The following RAPGEF4 variants were observed in gnomAD, a reference collection of about 807,000 sequenced individuals.
RAPGEF4 encodes the protein RAP guanine-nucleotide-exchange factor (GEF) 4.
A neutral mutation model predicts 147.9 loss-of-function variants in RAPGEF4; 66 were observed. The observed-to-expected ratio is 0.45, with a 90% CI of 0.37 to 0.55. The LOEUF (loss-of-function observed/expected upper bound fraction) is 0.55. Among genes scored for constraint, RAPGEF4 ranks in the 20% least tolerant of loss-of-function variants. RAPGEF4 has a pLI of 0.00. For missense variants in RAPGEF4, 1,071 were observed against 1,257.3 expected, an observed-to-expected ratio of 0.85 and a Z score of 2.24; for synonymous variants, 419 against 442.7, an observed-to-expected ratio of 0.95 and a Z score of 0.67.
chr2:172,925,567 A>G (rs1188138617), intron 6 of RAPGEF4, among the ~76,000 whole-genome samples: 1 of 130,914 alleles, frequency 7.6e-6, no homozygotes, highest in African/African-American at 2.8e-5. Flanking sequence ...CAGCCAGGAC[A>G]CATAGTGAGA....
chr2:172,753,250 C>T (rs1042252280), intron 1 of RAPGEF4, among the ~76,000 whole-genome samples: 2 of 151,380 alleles, frequency 1.3e-5, no homozygotes, highest in Non-Finnish European at 2.9e-5. Context: ...TGATTAATCA[C>T]CTTTAGGGAA....
chr2:173,023,203 A>AT (rs1696284123), intron 23 of RAPGEF4, among the ~76,000 whole-genome samples: 1 of 152,182 alleles, frequency 6.6e-6, no homozygotes, highest in Non-Finnish European at 1.5e-5. Context: ...CAATCCACAC[A>AT]TCCCTTTTAT....
Position 173,027,257 on chromosome 2 carries a change from C to A in RAPGEF4, c.2556C>A (p.Ala852=), listed in dbSNP as rs1363140178. The A allele has an allele frequency of 1.3e-6, 2 of 1,581,582 alleles. No homozygotes were observed. Among genetic ancestry groups the A allele is most frequent in the African/African-American group, 1.4e-5 (1 of 72,968 alleles). ...QLLKKFIKIA[A]HCKEYKNLNS... ...TAAAAAAATTTATTAAGATAGCAGC[C>A]CAGTAAGTATATTTAGCTTGGAAAG... Residue 852 remains alanine (A), a splice_region_variant and synonymous_variant, in exon 25 of 31, where the codon GCC becomes GCA. Transcript: ENST00000397081.
At chr2:172,900,933 C>T (rs2149958093) in intron 4 of RAPGEF4, among the ~76,000 whole-genome samples, 1 of 152,176 alleles carries the variant, frequency 6.6e-6, no homozygotes, top group East Asian at 1.9e-4. Context: ...TTTCTTCCCA[C>T]AGTGTTGAAA....
chr2:172,994,954 G>A (rs145355275), intron 15 of RAPGEF4, among the ~76,000 whole-genome samples: 2 of 151,930 alleles, frequency 1.3e-5, no homozygotes, highest in East Asian at 3.9e-4. Context: ...TCTTGTGCGC[G>A]CACTATAGTT....
At chr2:172,786,455 A>C (rs1574833807) in intron 1 of RAPGEF4, among the ~76,000 whole-genome samples, 1 of 152,332 alleles carries the variant, frequency 6.6e-6, no homozygotes, top group East Asian at 1.9e-4. Flanking sequence ...TAGTTTACTG[A>C]GTGAATAAAT....
At chr2:172,848,284 A>G (rs1192541272) in intron 4 of RAPGEF4, among the ~76,000 whole-genome samples, 1 of 152,144 alleles carries the variant, frequency 6.6e-6, no homozygotes, top group Non-Finnish European at 1.5e-5. Context: ...GTCAAGGTAT[A>G]CATTCTTCCC....
rs540133188 is a variant in RAPGEF4, at chr2:172,915,046, C to T, written c.445-2756C>T. On this transcript the variant is annotated intron_variant, in intron 4 of 30. Transcript: ENST00000397081. Reference sequence around the variant, plus strand: ...TGTTTTTATCCTAATTAATATAGAGCGTTCTGCAGGGTGCTACATAAGAAT... The same window carrying T: ...TGTTTTTATCCTAATTAATATAGAGTGTTCTGCAGGGTGCTACATAAGAAT... 1.0e-3 allele frequency among the ~76,000 whole-genome samples: 158 copies of T among 152,264 alleles called. 3 individuals are homozygous for T. Among genetic ancestry groups the T allele is most frequent in the African/African-American group, 3.5e-3 (146 of 41,560 alleles).
intron 10 of RAPGEF4, among the ~76,000 whole-genome samples, chr2:172,974,071 T>C (rs565452229): frequency 1.3e-5 from 2 of 152,338 alleles, no homozygotes; most frequent in African/African-American, 2.4e-5. Flanking sequence ...ATAGCCACCA[T>C]TTATCGAGCA....
chr2:172,988,491 C>T (rs1692497354), intron 13 of RAPGEF4, among the ~76,000 whole-genome samples: 1 of 152,102 alleles, frequency 6.6e-6, no homozygotes, highest in South Asian at 2.1e-4. Flanking sequence ...ATAGTGTGTA[C>T]ATTTAAGTTA....
In RAPGEF4 at chr2:172,988,811, AC is replaced by A. The variant is rs777094530; in HGVS notation, c.1347del (p.Asp449GlufsTer9). The A allele has an allele frequency of 6.2e-7, 1 of 1,614,032 alleles. No individual in the cohort carries two copies. Among genetic ancestry groups the A allele is most frequent in the Non-Finnish European group, 8.5e-7 (1 of 1,179,928 alleles). ...REDNCHFLRV[D>X]KEDFNRILRD... ...GATAACTGCCATTTCTTAAGAGTAG[AC>A]AAGGAGGATTTCAACCGGATCCTAA... On this transcript the variant is annotated frameshift_variant, in exon 14 of 31. Coordinates refer to ENST00000397081, the MANE Select transcript of RAPGEF4 (RefSeq NM_007023.4). LOFTEE classifies it high-confidence loss of function.
chr2:172,999,818 T>C (rs1297243018), intron 16 of RAPGEF4, among the ~76,000 whole-genome samples: 1 of 152,220 alleles, frequency 6.6e-6, no homozygotes, highest in African/African-American at 2.4e-5. Flanking sequence ...AGTCTCATTA[T>C]ACTGAGAAGC....
chr2:172,944,577 G>A (rs1328719282), intron 6 of RAPGEF4, among the ~76,000 whole-genome samples: 1 of 152,154 alleles, frequency 6.6e-6, no homozygotes, highest in Non-Finnish European at 1.5e-5. Context: ...CCTCACATAA[G>A]GGAAGCAGAT....
intron 30 of RAPGEF4, among the ~76,000 whole-genome samples, chr2:173,048,925 G>A (rs1024113049): frequency 9.9e-5 from 15 of 152,182 alleles, no homozygotes; most frequent in African/African-American, 3.6e-4. Context: ...GCTCTATCCA[G>A]TGCAGCTGGA....
At chr2:172,743,414 T>C (rs1231649336) in intron 1 of RAPGEF4, among the ~76,000 whole-genome samples, 5 of 152,236 alleles carry the variant, frequency 3.3e-5, no homozygotes, top group Admixed American at 2.0e-4. Context: ...CACTACTCTC[T>C]TTTCTCTCCA....
At chr2:172,795,205 G>T in intron 2 of RAPGEF4, 38 bp downstream of exon 2, 1 of 1,554,870 alleles carries the variant, frequency 6.4e-7, no homozygotes, top group Non-Finnish European at 8.8e-7. Context: ...TTCCATGTAT[G>T]GTTTATGCTG....
intron 18 of RAPGEF4, among the ~76,000 whole-genome samples, chr2:173,016,011 A>G (rs1373400104): frequency 6.6e-6 from 1 of 152,166 alleles, no homozygotes; most frequent in African/African-American, 2.4e-5. Context: ...TTCACCTGCA[A>G]TTTACTTTGA....
intron 4 of RAPGEF4, among the ~76,000 whole-genome samples, chr2:172,867,757 G>A (rs1368442435): frequency 6.6e-6 from 1 of 152,190 alleles, no homozygotes; most frequent in African/African-American, 2.4e-5. Flanking sequence ...GATTAAATAG[G>A]CACAAGCTAA....
chr2:172,946,569 C>T lies in RAPGEF4; in HGVS notation c.538-14191C>T, dbSNP rs12473599. Among the ~76,000 whole-genome samples, 604 of 152,298 alleles carry T rather than the reference C, an allele frequency of 4.0e-3. 9 individuals carry two copies. Among genetic ancestry groups the T allele is most frequent in the Admixed American group, 0.036 (544 of 15,298 alleles). On this transcript the variant is annotated intron_variant, in intron 6 of 30. Transcript: ENST00000397081. ...TAGGGGACTCACAATGCCTTAAACT[C>T]CCGTCTGTGTGACTTTGGCTCCAGC...
Sources: allele counts gnomAD v4.1 joint callset (sites outside exome capture counted in the v4.1 genomes callset), GRCh38; gene constraint gnomAD v4.1.1; transcripts MANE v1.5; gene names NCBI Gene and HGNC (gene_info 2026-07-23, HGNC 2026-07-21).